The following ARAP3 variants were observed in gnomAD, a reference collection of about 807,000 sequenced individuals.
ARAP3 encodes arf-GAP with Rho-GAP domain, ANK repeat and PH domain-containing protein 3.
Under a neutral mutation model 169.2 loss-of-function variants are expected in ARAP3, and 82 were observed. That is an observed-to-expected ratio of 0.48 (90% CI 0.41 to 0.58). The LOEUF is 0.58. ARAP3 is among the 20% of genes least tolerant of loss of function. ARAP3 has a pLI of 0.00. For missense variants in ARAP3, 1,764 were observed against 2,018.0 expected (o/e 0.87, Z 2.41); for synonymous variants, 791 against 800.3 (o/e 0.99, Z 0.20).
Position 141,666,463 on chromosome 5 carries a change from G to A in ARAP3, c.2533C>T (p.Pro845Ser), listed in dbSNP as rs2099910653. The change falls in exon 17 of 33, where the codon CCT (proline) becomes TCT (serine). Residue 845 changes from proline (P) to serine (S), a missense_variant. By Grantham distance (74) the Pro-to-Ser change is moderately conservative (BLOSUM62 -1). Coordinates refer to ENST00000239440, the MANE Select transcript of ARAP3 (RefSeq NM_022481.6). ...CSAPGPGPPA[P>S]EDMVHLRRLQ... is the part of the protein sequence containing the mutation. ...CGCCGCAGATGCACCATGTCCTCAG[G>A]GGCTGGGGGGCCTGGGCCCGGCGCT... The A allele has an allele frequency of 6.3e-7, 1 of 1,596,938 alleles. No individual in the cohort carries two copies.
rs755817167 is a variant in ARAP3 at position 141,666,553 on chromosome 5, G to A, written c.2443C>T (p.Pro815Ser). The stretch of plus-strand genomic sequence containing the variant: ...CCTGACAGCCAGAGACCAGGGGCCG[G>A]GGCTGTATGGGAGGGGGACCGCAGC... ...LWLRSPSHTA[P>S]APGLWLSGFG... The change falls in exon 17 of 33, where the codon CCG (proline) becomes TCG (serine). Residue 815 changes from proline to serine, a missense_variant. By Grantham distance (74) the Pro-to-Ser change is moderately conservative (BLOSUM62 -1). This residue lies in a region of ARAP3 where 1,112 missense variants were observed against 1,285.7 expected (regional missense o/e 0.86). Transcript: ENST00000239440. 6.3e-7 allele frequency: 1 copy of A among 1,584,026 alleles called. No individual in the cohort carries two copies.
rs759727251 is a variant in ARAP3, at chr5:141,672,524, C to A, written c.1385+28G>T. 1 of 1,612,306 alleles carries A rather than the reference C, an allele frequency of 6.2e-7. No individual in the cohort carries two copies. The highest frequency in any genetic ancestry group is 8.5e-7 in the Non-Finnish European group (1 of 1,179,040). On this transcript the variant is annotated intron_variant, in intron 9 of 32. Transcript: ENST00000239440. This position sits in a 1 kb window ranked among gnomAD's most constrained non-coding sequence, Gnocchi z 4.9. ...TGTGCCTCCCGCAAAAGTCCCCCAG[C>A]CTTGCCTCCCACTGGCCCAGGCCCC...
At chr5:141,677,251 A>G (rs1025488828) in intron 4 of ARAP3, among the ~76,000 whole-genome samples, 8 of 152,302 alleles carry the variant, frequency 5.3e-5, no homozygotes, top group African/African-American at 1.9e-4. Context: ...ATCAACATAA[A>G]AATATAAACA....
chr5:141,671,940 C>G lies in ARAP3; in HGVS notation c.1626G>C (p.Gln542His), dbSNP rs2099911507. The stretch of plus-strand genomic sequence containing the variant: ...AGACACTCGTGTCCAGCTTCAGGCT[C>G]TGCACCTTGGAGATCCCAGAACCCA... Reference protein sequence around the residue: ...RALGSGISKVQSLKLDTSVWS... With the variant: ...RALGSGISKVHSLKLDTSVWS... The change falls in exon 11 of 33, where the codon CAG becomes CAC. Residue 542 changes from glutamine to histidine, a missense_variant. Coordinates refer to ENST00000239440, the MANE Select transcript of ARAP3 (RefSeq NM_022481.6). The surrounding 1 kb of genome is among the most constrained non-coding windows in gnomAD (Gnocchi z 4.9). The G allele has an allele frequency of 1.2e-6, 2 of 1,614,086 alleles. No homozygotes were observed. Among genetic ancestry groups the G allele is most frequent in the Non-Finnish European group, 1.7e-6 (2 of 1,180,038 alleles).
chr5:141,679,182 G>A (rs1171929922), intron 4 of ARAP3, among the ~76,000 whole-genome samples: 4 of 152,158 alleles, frequency 2.6e-5, no homozygotes, highest in African/African-American at 7.2e-5. Flanking sequence ...CCAGCTACTC[G>A]GGAGCCTGAG....
At chr5:141,659,633 G>C (rs7719761) in intron 22 of ARAP3, 146 bp downstream of exon 22, 54,362 of 1,348,844 alleles carry the variant, frequency 0.04, 4,077 homozygotes, top group African/African-American at 0.31. Context: ...GAGAAGAAGG[G>C]CCAGGGCTCT....
chr5:141,667,281 G>A (rs922637529), intron 16 of ARAP3, among the ~76,000 whole-genome samples: 1 of 152,096 alleles, frequency 6.6e-6, no homozygotes, highest in African/African-American at 2.4e-5. Context: ...CTAGGGGGCT[G>A]GGGAGAAGCT....
Position 141,665,412 on chromosome 5 carries a change from T to A in ARAP3, c.2573-38A>T, listed in dbSNP as rs1379281089. 3 of 1,602,824 alleles carry A rather than the reference T, an allele frequency of 1.9e-6. No homozygotes were observed. The East Asian group carries it at 6.7e-5, about 36-fold the overall frequency. ...TCAGTGGACATTTTCATGATTATCG[T>A]CTTCATTATAGAGACTATTATTTAT... On this transcript the variant is annotated intron_variant, in intron 17 of 32. Transcript: ENST00000239440.
At chr5:141,656,373 G>A in intron 27 of ARAP3, 97 bp from the exon 28 acceptor site, 1 of 1,594,172 alleles carries the variant, frequency 6.3e-7, no homozygotes, top group Non-Finnish European at 8.6e-7. Context: ...TGGTCACAGG[G>A]TCACAGAAGT....
chr5:141,665,259 T>C, intron 18 of ARAP3, 52 bp downstream of exon 18: 2 of 1,602,000 alleles, frequency 1.2e-6, no homozygotes, highest in Non-Finnish European at 1.7e-6. Flanking sequence ...TTGCAGAGTA[T>C]GGGCTCTGCT....
intron 16 of ARAP3, 94 bp downstream of exon 16, chr5:141,669,615 G>A: frequency 1.6e-6 from 2 of 1,213,982 alleles, no homozygotes; most frequent in Non-Finnish European, 2.4e-6. Context: ...GCTGTTAGTG[G>A]AAGAAGTGGC....
In ARAP3 at chr5:141,680,507, G is replaced by T. The variant is rs200794378; in HGVS notation, c.-17-4C>A. The T allele has an allele frequency of 1.1e-3, 1,788 of 1,570,346 alleles. 7 individuals are homozygous for T. The highest frequency in any genetic ancestry group is 1.7e-3 in the South Asian group (151 of 87,058). ...GCCATGGGGGCTCAGGCCATTGCTG[G>T]GGGGAGGGGCAGGGTGAAGGGAGGG... On this transcript the variant is annotated splice_region_variant and splice_polypyrimidine_tract_variant and intron_variant, in intron 1 of 32. Transcript: ENST00000239440.
intron 4 of ARAP3, among the ~76,000 whole-genome samples, chr5:141,674,151 C>CG (rs2154599152): frequency 6.6e-6 from 1 of 152,020 alleles, no homozygotes; most frequent in Non-Finnish European, 1.5e-5. Context: ...TTAGTAGAGA[C>CG]GGGGTTTCTC....
chr5:141,656,453 C>A (rs2099909286), intron 27 of ARAP3, 51 bp downstream of exon 27: 2 of 1,593,352 alleles, frequency 1.3e-6, no homozygotes, highest in Admixed American at 3.5e-5. Context: ...GCAGTCATGG[C>A]TCCTCTCCAT....
chr5:141,670,103 GCCCCC>G (rs1562417134), intron 14 of ARAP3, 40 bp from the exon 15 acceptor site: 6 of 1,576,112 alleles, frequency 3.8e-6, no homozygotes, highest in Non-Finnish European at 5.1e-6. Context: ...GCAGACCTCT[GCCCCC>G]ACTGTCATAG....
intron 19 of ARAP3, among the ~76,000 whole-genome samples, chr5:141,664,421 A>T (rs2099910374): frequency 6.6e-6 from 1 of 152,056 alleles, no homozygotes; most frequent in South Asian, 2.1e-4. Flanking sequence ...AAAAACTCAC[A>T]AAGAATTATG....
rs1214859363 is a variant in ARAP3 at position 141,672,618 on chromosome 5, T to C, written c.1319A>G (p.Gln440Arg). 6.2e-6 allele frequency: 10 copies of C among 1,613,814 alleles called. No homozygotes were observed. Among genetic ancestry groups the C allele is most frequent in the Admixed American group, 5.0e-5 (3 of 59,982 alleles). The change falls in exon 9 of 33, where the codon CAG (glutamine) becomes CGG (arginine). Residue 440 changes from glutamine (Q) to arginine (R), a missense_variant. Around this residue, in one of 3 missense-constraint regions of ARAP3, gnomAD observed 630 missense variants for 678.7 expected, o/e 0.93. Transcript: ENST00000239440. The surrounding 1 kb of genome is among the most constrained non-coding windows in gnomAD (Gnocchi z 4.9). The stretch of plus-strand genomic sequence containing the variant: ...CTTGGTCTCCCGGACGCTGCAGCCC[T>C]GCAGTTCGATGAAGCAGATCCCGAT... Reference protein sequence around the residue: ...LGIGICFIELQGCSVRETKSR... With the variant: ...LGIGICFIELRGCSVRETKSR...
rs374872138 is a variant in ARAP3 at position 141,672,079 on chromosome 5, A to G, written c.1585+23T>C. The G allele has an allele frequency of 4.4e-5, 71 of 1,613,928 alleles. No individual in the cohort carries two copies. Among genetic ancestry groups the G allele is most frequent in the East Asian group, 2.5e-4 (11 of 44,892 alleles). Reference sequence around the variant, plus strand: ...TAGTCCCAGCCCTCCTGTTCCCCACATGGGCTTGAGGCCATTCCTCACCTG... The same window carrying G: ...TAGTCCCAGCCCTCCTGTTCCCCACGTGGGCTTGAGGCCATTCCTCACCTG... On this transcript the variant is annotated intron_variant, in intron 10 of 32. Coordinates refer to ENST00000239440, the MANE Select transcript of ARAP3 (RefSeq NM_022481.6). This position sits in a 1 kb window ranked among gnomAD's most constrained non-coding sequence, Gnocchi z 4.9.
intron 23 of ARAP3, 122 bp from the exon 24 acceptor site, chr5:141,658,775 A>G (rs1178062689): frequency 3.2e-5 from 26 of 811,052 alleles, no homozygotes; most frequent in African/African-American, 3.5e-5. Context: ...CCCAACCCCA[A>G]TGTCACTCAG....
Sources: allele counts gnomAD v4.1 joint callset (sites outside exome capture counted in the v4.1 genomes callset), GRCh38; gene constraint gnomAD v4.1.1; regional missense constraint gnomAD v4.1.1; non-coding constraint Gnocchi (gnomAD v3.1); transcripts MANE v1.5; gene names NCBI Gene and HGNC (gene_info 2026-07-23, HGNC 2026-07-21).